The following SPOCK3 variants were observed in gnomAD, a reference collection of about 807,000 sequenced individuals.
SPOCK3 encodes the protein testican-3.
In SPOCK3, 30 loss-of-function variants were observed where a neutral mutation model predicts 56.6. The ratio of observed to expected loss-of-function variants is 0.53; its 90% confidence interval spans 0.40 to 0.72. The LOEUF is 0.72. SPOCK3 is among the 30% of genes least tolerant of loss of function. The probability of loss-of-function intolerance (pLI) is 0.00; values close to 1 mark genes in which losing one functional copy is unlikely to be tolerated. For missense variants in SPOCK3, 527 were observed against 530.0 expected, an observed-to-expected ratio of 0.99 and a Z score of 0.06; for synonymous variants, 196 against 183.3, an observed-to-expected ratio of 1.07 and a Z score of -0.56.
chr4:166,879,501 T>C (rs1358534303), intron 6 of SPOCK3, among the ~76,000 whole-genome samples: 1 of 152,126 alleles, frequency 6.6e-6, no homozygotes, highest in Non-Finnish European at 1.5e-5. Flanking sequence ...CAAGACTTTG[T>C]CTCTAAAAAA....
At chr4:167,055,865 T>TG (rs1377469351) in intron 3 of SPOCK3, among the ~76,000 whole-genome samples, 1 of 152,152 alleles carries the variant, frequency 6.6e-6, no homozygotes, top group East Asian at 1.9e-4. Flanking sequence ...GCTCCACCTC[T>TG]GGGGGCAGGG....
At chr4:166,843,725 C>A (rs996731637) in intron 6 of SPOCK3, among the ~76,000 whole-genome samples, 4 of 152,118 alleles carry the variant, frequency 2.6e-5, no homozygotes, top group Admixed American at 1.3e-4. Context: ...GTACTAAATG[C>A]AAGTTGTTTG....
intron 2 of SPOCK3, among the ~76,000 whole-genome samples, chr4:167,159,643 A>G (rs1765113150): frequency 6.6e-6 from 1 of 152,152 alleles, no homozygotes; most frequent in Non-Finnish European, 1.5e-5. Flanking sequence ...AATTCTCAAT[A>G]AAATAATGGC....
At chr4:166,947,445 G>A (rs933193305) in intron 4 of SPOCK3, among the ~76,000 whole-genome samples, 7 of 152,048 alleles carry the variant, frequency 4.6e-5, no homozygotes, top group Non-Finnish European at 8.8e-5. Flanking sequence ...GTTTACTAAA[G>A]CATTTTTCCC....
chr4:166,952,291 A>G (rs1742750026), intron 4 of SPOCK3, among the ~76,000 whole-genome samples: 1 of 152,312 alleles, frequency 6.6e-6, no homozygotes, highest in South Asian at 2.1e-4. Flanking sequence ...CACCAATAAC[A>G]GACAAACAGA....
In SPOCK3 at chr4:166,748,173, G is replaced by A. The variant is rs544464714; in HGVS notation, c.932-6114C>T. 1.2e-3 allele frequency among the ~76,000 whole-genome samples: 171 copies of A among 138,260 alleles called. 31 individuals are homozygous for A. The highest frequency in any genetic ancestry group is 5.1e-3 in the African/African-American group (167 of 32,756). The allele number at this position is 138,260 out of a possible 152,430, so 90.7% of individuals were successfully genotyped here. Reference sequence around the variant, plus strand: ...ATGGAATCAAAAAAGAGCCTGCATTGCCAAGACAATCCTAAGCCAAAAGAA... The same window carrying A: ...ATGGAATCAAAAAAGAGCCTGCATTACCAAGACAATCCTAAGCCAAAAGAA... On this transcript the variant is annotated intron_variant, in intron 8 of 10. Coordinates refer to ENST00000357545, the MANE Select transcript of SPOCK3 (RefSeq NM_001040159.2).
chr4:167,207,736 T>C lies in SPOCK3; in HGVS notation c.189+26249A>G, dbSNP rs190457800. Among the ~76,000 whole-genome samples the C allele has an allele frequency of 3.4e-3, 514 of 152,246 alleles. 12 individuals carry two copies. The highest frequency in any genetic ancestry group is 0.031 in the Admixed American group (474 of 15,260). The stretch of plus-strand genomic sequence containing the variant: ...CAATTATAAGTTTTGGATCACTCAT[T>C]TTCTGAACTACATAAGGAGATATAC... On this transcript the variant is annotated intron_variant, in intron 2 of 10. Transcript: ENST00000357545.
chr4:167,075,244 TG>T (rs1757074663), intron 2 of SPOCK3, among the ~76,000 whole-genome samples: 1 of 151,712 alleles, frequency 6.6e-6, no homozygotes, highest in Non-Finnish European at 1.5e-5. Context: ...AAAATTGAAA[TG>T]AAAAAAAGAC....
At chr4:167,067,376 T>A (rs1756260758) in intron 2 of SPOCK3, among the ~76,000 whole-genome samples, 1 of 151,856 alleles carries the variant, frequency 6.6e-6, no homozygotes, top group Admixed American at 6.6e-5. Context: ...TATAAAAAGA[T>A]CACATCATTA....
rs148764727 is a variant in SPOCK3, at chr4:167,195,184, G to A, written c.189+38801C>T. On this transcript the variant is annotated intron_variant, in intron 2 of 10. Coordinates refer to ENST00000357545, the MANE Select transcript of SPOCK3 (RefSeq NM_001040159.2). ...ACATAGATGGGTGTCTCACCCATTG[G>A]GTACTTGGGCAGGCAAGATTGTTCT... Among the ~76,000 whole-genome samples, 6 of 152,288 alleles carry A rather than the reference G, an allele frequency of 3.9e-5. No individual in the cohort carries two copies. In the South Asian group the frequency reaches 6.2e-4, roughly 16 times the overall value.
At chr4:167,119,751 A>C in intron 2 of SPOCK3, 1 of 1,334,504 alleles carries the variant, frequency 7.5e-7, no homozygotes, top group Non-Finnish European at 1.0e-6. Context: ...GTACTCTGCT[A>C]CCCACTATTT....
At chr4:166,856,419 T>C (rs1427618061) in intron 6 of SPOCK3, among the ~76,000 whole-genome samples, 1 of 152,206 alleles carries the variant, frequency 6.6e-6, no homozygotes, top group Non-Finnish European at 1.5e-5. Context: ...ATGAATACAT[T>C]GTACATCATA....
chr4:167,228,732 C>G (rs773255097), intron 2 of SPOCK3, among the ~76,000 whole-genome samples: 73 of 152,102 alleles, frequency 4.8e-4, no homozygotes, highest in Non-Finnish European at 6.6e-4. Flanking sequence ...CTGCCAGAGC[C>G]TAGCCCTTTG....
chr4:166,925,513 T>C (rs1738993389), intron 4 of SPOCK3, among the ~76,000 whole-genome samples: 1 of 152,108 alleles, frequency 6.6e-6, no homozygotes, highest in African/African-American at 2.4e-5. Flanking sequence ...GGGGTAAATT[T>C]GTTATAGCAT....
Position 166,840,660 on chromosome 4 carries a change from TC to T in SPOCK3, c.590-48372del, listed in dbSNP as rs1429258532. ...GGTCCCTAGCTAGTTGTCCACCTTC[TC>T]CCTACATTTCAGACTCATGATTTTC... On this transcript the variant is annotated intron_variant, in intron 6 of 10. Coordinates refer to ENST00000357545, the MANE Select transcript of SPOCK3 (RefSeq NM_001040159.2). Among the ~76,000 whole-genome samples the T allele has an allele frequency of 4.0e-5, 6 of 150,874 alleles. No homozygotes were observed. The South Asian group carries it at 8.5e-4, about 21-fold the overall frequency.
intron 6 of SPOCK3, among the ~76,000 whole-genome samples, chr4:166,857,097 T>TC (rs2126893393): frequency 6.6e-6 from 1 of 152,300 alleles, no homozygotes; most frequent in East Asian, 1.9e-4. Context: ...TGACTTCTTG[T>TC]TCTGACTCTA....
At chr4:167,075,942 C>T (rs868724972) in intron 2 of SPOCK3, among the ~76,000 whole-genome samples, 7 of 152,016 alleles carry the variant, frequency 4.6e-5, no homozygotes, top group Admixed American at 1.3e-4. Context: ...TAAAAACTTA[C>T]ATTAAAATGA....
chr4:166,739,623 G>A (rs560345620), intron 9 of SPOCK3, among the ~76,000 whole-genome samples: 25 of 152,028 alleles, frequency 1.6e-4, no homozygotes, highest in African/African-American at 5.3e-4. Context: ...TAATTTAAAA[G>A]TGAAGTCGTG....
chr4:166,870,469 C>A lies in SPOCK3; in HGVS notation c.589+18661G>T, dbSNP rs562323590. Among the ~76,000 whole-genome samples, 8 of 151,620 alleles carry A rather than the reference C, an allele frequency of 5.3e-5. No individual in the cohort carries two copies. In the East Asian group the frequency reaches 1.6e-3, roughly 30 times the overall value. Reference sequence around the variant, plus strand: ...AATACATTCTGGGCCATAAAACACACAATAAAAATGTAATATAATAAAAAC... The same window carrying A: ...AATACATTCTGGGCCATAAAACACAAAATAAAAATGTAATATAATAAAAAC... On this transcript the variant is annotated intron_variant, in intron 6 of 10. Transcript: ENST00000357545.
Sources: gnomAD v4.1 joint callset for allele counts (sites outside exome capture counted in the v4.1 genomes callset) on GRCh38, gnomAD v4.1.1 for gene constraint, MANE v1.5 for transcripts, NCBI Gene and HGNC (gene_info 2026-07-23, HGNC 2026-07-21) for gene names.